DNAH3: variants seen among roughly 807,000 people sequenced by gnomAD.
DNAH3 encodes the protein axonemal beta dynein heavy chain 3.
Under a neutral mutation model 432.5 loss-of-function variants are expected in DNAH3, and 332 were observed. The ratio of observed to expected loss-of-function variants is 0.77; its 90% CI spans 0.70 to 0.84. The LOEUF is 0.84. Among genes scored for constraint, DNAH3 ranks in the 40% least tolerant of loss-of-function variants. The pLI is 0.00. For missense variants in DNAH3, 4,861 were observed against 5,114.0 expected (o/e 0.95, Z 1.51); for synonymous variants, 1,956 against 1,900.2 (o/e 1.03, Z -0.76).
intron 27 of DNAH3, among the ~76,000 whole-genome samples, chr16:21,055,021 C>T (rs565309953): frequency 2.0e-5 from 3 of 150,786 alleles, no homozygotes; most frequent in Non-Finnish European, 2.9e-5. Flanking sequence ...AAACTGGAAA[C>T]TTTTTCACAT....
intron 60 of DNAH3, 86 bp from the exon 61 acceptor site, chr16:20,935,571 AAT>A (rs988008982): frequency 6.9e-7 from 1 of 1,449,562 alleles, no homozygotes; most frequent in African/African-American, 1.5e-5. Flanking sequence ...TACCATATAA[AAT>A]ATGTTTTTTC....
intron 18 of DNAH3, among the ~76,000 whole-genome samples, chr16:21,090,096 A>T (rs1369510112): frequency 1.3e-5 from 2 of 152,026 alleles, no homozygotes; most frequent in Non-Finnish European, 2.9e-5. Flanking sequence ...GCCATTCTTC[A>T]AAAACTACAA....
chr16:20,993,232 T>C (rs545260649), intron 44 of DNAH3, among the ~76,000 whole-genome samples: 12 of 152,160 alleles, frequency 7.9e-5, no homozygotes, highest in Non-Finnish European at 1.6e-4. Flanking sequence ...TCTCAAAAAC[T>C]CAAGGGATAA....
chr16:21,012,695 T>C (rs982763328), intron 41 of DNAH3, among the ~76,000 whole-genome samples: 1 of 152,218 alleles, frequency 6.6e-6, no homozygotes, highest in Admixed American at 6.5e-5. Context: ...GAAGACTACA[T>C]ATTTTCTTAA....
chr16:21,154,769 G>A (rs1054442265), intron 1 of DNAH3, among the ~76,000 whole-genome samples: 1 of 152,108 alleles, frequency 6.6e-6, no homozygotes, highest in Non-Finnish European at 1.5e-5. Context: ...GGCTTCAACC[G>A]AAAACCTACA....
exon 53 of DNAH3, chr16:20,965,256 A>G (rs2085003394): frequency 1.2e-6 from 2 of 1,612,952 alleles, no homozygotes; most frequent in Non-Finnish European, 1.7e-6. Context: ...CCGACGATAC[A>G]TTTTTAATGA....
chr16:21,036,487 C>A (rs1315323948), intron 35 of DNAH3, among the ~76,000 whole-genome samples: 1 of 151,886 alleles, frequency 6.6e-6, no homozygotes, highest in Non-Finnish European at 1.5e-5. Context: ...TGATCATAGC[C>A]CACTGCAGCC....
intron 14 of DNAH3, among the ~76,000 whole-genome samples, chr16:21,110,163 T>C (rs2092037584): frequency 6.6e-6 from 1 of 152,212 alleles, no homozygotes; most frequent in South Asian, 2.1e-4. Flanking sequence ...TAGAAGGCAG[T>C]TGCCATCTCA....
rs538741274 is a variant in DNAH3, at chr16:21,098,860, G to A, written c.2367-91C>T. 1.7e-4 allele frequency: 229 copies of A among 1,354,116 alleles called. No individual in the cohort carries two copies. The South Asian group carries it at 3.1e-3, about 19-fold the overall frequency. 83.9% of individuals were successfully genotyped at this position (1,354,116 alleles called of 1,614,324 possible). ...CTGCTTGCCCATATTTAAGCCTGCAGACAATTTGATCAGTTACCTGCAGAT... is the reference window on the plus strand; with the variant it reads ...CTGCTTGCCCATATTTAAGCCTGCAAACAATTTGATCAGTTACCTGCAGAT... On this transcript the variant is annotated intron_variant, in intron 16 of 61. Coordinates refer to ENST00000261383, the Ensembl canonical transcript of DNAH3.
At chr16:21,061,322 G>A (rs1277504586) in intron 25 of DNAH3, among the ~76,000 whole-genome samples, 2 of 122,536 alleles carry the variant, frequency 1.6e-5, no homozygotes, top group Non-Finnish European at 3.3e-5. Flanking sequence ...TGCAACTTCC[G>A]CCTCCTGGGT....
At chr16:21,053,158 T>C (rs1270956769) in intron 28 of DNAH3, among the ~76,000 whole-genome samples, 2 of 152,168 alleles carry the variant, frequency 1.3e-5, no homozygotes, top group Admixed American at 6.5e-5. Context: ...GTTGCTTCCA[T>C]TGAGCCTTTC....
chr16:21,112,193 A>G (rs2092092490), intron 12 of DNAH3, 95 bp from the exon 13 acceptor site: 2 of 811,808 alleles, frequency 2.5e-6, no homozygotes, highest in Non-Finnish European at 3.9e-6. Context: ...TAGCATTTTA[A>G]AAAATGTAGC....
chr16:21,126,191 A>C (rs935166113), intron 8 of DNAH3, among the ~76,000 whole-genome samples: 1 of 150,952 alleles, frequency 6.6e-6, no homozygotes, highest in Non-Finnish European at 1.5e-5. Context: ...ACAACAAACA[A>C]ACAAAAAGAA....
chr16:20,970,089 G>C, intron 51 of DNAH3, 99 bp from the exon 52 acceptor site: 1 of 1,126,400 alleles, frequency 8.9e-7, no homozygotes, highest in Non-Finnish European at 1.3e-6. Context: ...AGGAAGAGGT[G>C]CTTCCTCTTC....
intron 39 of DNAH3, 22 bp downstream of exon 39, chr16:21,024,574 G>A (rs376438790): frequency 3.9e-6 from 6 of 1,549,324 alleles, no homozygotes; most frequent in Middle Eastern, 1.7e-4. Flanking sequence ...AGGAGGGGAA[G>A]GAAAGGGTCT....
intron 12 of DNAH3, 28 bp downstream of exon 12, chr16:21,117,175 T>C (rs772618291): frequency 9.4e-6 from 14 of 1,489,730 alleles, no homozygotes; most frequent in Admixed American, 5.8e-5. Flanking sequence ...AAAAGCTACA[T>C]AGCTAATAAA....
Position 20,933,245 on chromosome 16 carries a change from T to C in DNAH3, c.12260A>G (p.Asn4087Ser), listed in dbSNP as rs747033075. ...TGGAAGCTCAATGGAGAGGACATAGTTGGTAGAGTGGCCTGTGGTGGAGAG... is the reference window on the plus strand; with the variant it reads ...TGGAAGCTCAATGGAGAGGACATAGCTGGTAGAGTGGCCTGTGGTGGAGAG... Residue 4087 changes from asparagine to serine, a missense_variant, in exon 62 of 62, where the codon AAC becomes AGC. Transcript: ENST00000261383. The C allele has an allele frequency of 1.9e-6, 3 of 1,614,084 alleles. No homozygotes were observed. In the African/African-American group the frequency reaches 4.0e-5, roughly 22 times the overall value.
chr16:21,049,606 C>T (rs747344807), exon 31 of DNAH3: 2 of 1,614,154 alleles, frequency 1.2e-6, no homozygotes, highest in South Asian at 1.1e-5. Context: ...CGCCCATGCT[C>T]CAGCCTGTGC....
At chr16:21,081,877 C>A (rs903341228) in intron 19 of DNAH3, 150 bp from the exon 20 acceptor site, 1 of 543,354 alleles carries the variant, frequency 1.8e-6, no homozygotes, top group African/African-American at 1.9e-5. Context: ...AGAGATGTGG[C>A]TAGTGTGACT....
Sources: allele counts gnomAD v4.1 joint callset (sites outside exome capture counted in the v4.1 genomes callset), GRCh38; gene constraint gnomAD v4.1.1; transcripts MANE v1.5; gene names NCBI Gene and HGNC (gene_info 2026-07-23, HGNC 2026-07-21).